Variants in INPP4A observed in about 807,000 individuals in gnomAD.
The protein encoded by INPP4A is inositol polyphosphate-4-phosphatase, type I, 107kD.
A neutral mutation model predicts 119.8 loss-of-function variants in INPP4A; 33 were observed. The ratio of observed to expected loss-of-function variants is 0.28; its 90% CI spans 0.21 to 0.37. INPP4A has a LOEUF of 0.37. Ranked by LOEUF, INPP4A falls within the 10% of genes least tolerant of loss-of-function variation. INPP4A has a pLI of 1.00. For synonymous variants in INPP4A, 496 were observed against 500.7 expected, an observed-to-expected ratio of 0.99 and a Z score of 0.12; for missense variants, 956 against 1,289.9, an observed-to-expected ratio of 0.74 and a Z score of 3.97.
intron 1 of INPP4A, among the ~76,000 whole-genome samples, chr2:98,486,965 A>G (rs552182130): frequency 2.0e-5 from 3 of 152,356 alleles, no homozygotes; most frequent in Non-Finnish European, 4.4e-5. Flanking sequence ...GTGGCTTACC[A>G]TCCTTGCTCT....
chr2:98,458,932 C>G (rs543038109), intron 1 of INPP4A, among the ~76,000 whole-genome samples: 100 of 152,340 alleles, frequency 6.6e-4, no homozygotes, highest in African/African-American at 2.2e-3. Context: ...TCTCAGCACA[C>G]TCTTTGTGGC....
At chr2:98,571,707 C>T (rs889838657) in intron 22 of INPP4A, among the ~76,000 whole-genome samples, 3 of 152,242 alleles carry the variant, frequency 2.0e-5, no homozygotes, top group Non-Finnish European at 2.9e-5. Flanking sequence ...TGGAGCCCAC[C>T]AGCTGAATAC....
chr2:98,555,164 C>T (rs77988116), intron 15 of INPP4A, among the ~76,000 whole-genome samples: 2,371 of 152,268 alleles, frequency 0.016, 29 homozygotes, highest in Middle Eastern at 0.024. Context: ...CCTCCCCTAT[C>T]GAAATTTCTG....
chr2:98,494,892 C>T (rs1000930670), intron 1 of INPP4A, among the ~76,000 whole-genome samples: 3 of 152,142 alleles, frequency 2.0e-5, no homozygotes, highest in African/African-American at 7.2e-5. Flanking sequence ...ATGAAAACAC[C>T]AGAGGCAGAC....
intron 19 of INPP4A, 87 bp from the exon 20 acceptor site, chr2:98,565,553 C>T (rs1037304635): frequency 6.9e-7 from 1 of 1,456,056 alleles, no homozygotes. Context: ...CTGTCACAGC[C>T]AGGCCTGGGC....
intron 24 of INPP4A, among the ~76,000 whole-genome samples, chr2:98,581,104 C>G (rs1273466620): frequency 1.3e-5 from 2 of 152,170 alleles, no homozygotes; most frequent in Admixed American, 1.3e-4. Flanking sequence ...TGGCCAAATC[C>G]TTTGTACCAC....
chr2:98,504,193 G>A (rs2105424657), intron 1 of INPP4A, among the ~76,000 whole-genome samples: 1 of 152,324 alleles, frequency 6.6e-6, no homozygotes. Context: ...CAGCAACACA[G>A]CCGAGTAGCT....
At chr2:98,564,788 G>T (rs1475015927) in intron 19 of INPP4A, 25 bp downstream of exon 19, 3 of 1,558,810 alleles carry the variant, frequency 1.9e-6, no homozygotes, top group Non-Finnish European at 1.7e-6. Context: ...CCAGGATCGG[G>T]AGCCCCACTT....
intron 23 of INPP4A, among the ~76,000 whole-genome samples, chr2:98,574,511 G>A (rs1169677999): frequency 6.6e-6 from 1 of 152,036 alleles, no homozygotes; most frequent in Non-Finnish European, 1.5e-5. Flanking sequence ...GGTGACGCAT[G>A]CCTGTAATCC....
intron 1 of INPP4A, among the ~76,000 whole-genome samples, chr2:98,462,173 G>A (rs1019809020): frequency 6.6e-6 from 1 of 152,218 alleles, no homozygotes; most frequent in Non-Finnish European, 1.5e-5. Context: ...TAGTGGCCAG[G>A]CGTGGTGGCT....
intron 1 of INPP4A, among the ~76,000 whole-genome samples, chr2:98,497,060 C>G (rs983470782): frequency 2.0e-5 from 3 of 152,228 alleles, no homozygotes; most frequent in African/African-American, 7.2e-5. Flanking sequence ...CTCTGCTTCA[C>G]TGTTGATATG....
chr2:98,485,930 C>T (rs983966119), intron 1 of INPP4A, among the ~76,000 whole-genome samples: 60 of 152,316 alleles, frequency 3.9e-4, no homozygotes, highest in African/African-American at 1.4e-3. Context: ...GATTTCCAGA[C>T]ACTCTTCTTT....
chr2:98,458,713 T>C (rs1323969855), intron 1 of INPP4A, among the ~76,000 whole-genome samples: 1 of 151,982 alleles, frequency 6.6e-6, no homozygotes, highest in East Asian at 1.9e-4. Flanking sequence ...ATGCTGCACA[T>C]TTTTTTTCCA....
chr2:98,458,101 G>C (rs1696472505), intron 1 of INPP4A, among the ~76,000 whole-genome samples: 1 of 151,108 alleles, frequency 6.6e-6, no homozygotes, highest in African/African-American at 2.4e-5. Flanking sequence ...TTGCAAGCAT[G>C]AGCCATCACA....
intron 23 of INPP4A, among the ~76,000 whole-genome samples, chr2:98,573,941 A>G (rs1697955956): frequency 2.0e-5 from 3 of 152,340 alleles, no homozygotes; most frequent in Admixed American, 2.0e-4. Context: ...TGAGTTCCTC[A>G]GCTGGTCAGA....
At chr2:98,480,632 C>G (rs1052729506) in intron 1 of INPP4A, among the ~76,000 whole-genome samples, 7 of 152,228 alleles carry the variant, frequency 4.6e-5, no homozygotes, top group Non-Finnish European at 1.0e-4. Context: ...TGGTGACCCT[C>G]TGTGCACTGA....
chr2:98,563,775 G>T (rs928786690), intron 18 of INPP4A, 138 bp downstream of exon 18: 6 of 833,014 alleles, frequency 7.2e-6, no homozygotes, highest in South Asian at 3.4e-5. Flanking sequence ...TGCTTTAAAG[G>T]TTATTTAATA....
intron 1 of INPP4A, among the ~76,000 whole-genome samples, chr2:98,462,627 G>A (rs1476219391): frequency 6.6e-6 from 1 of 151,420 alleles, no homozygotes; most frequent in African/African-American, 2.4e-5. Context: ...CCAGGCTCAA[G>A]TGATCTTCCC....
At chr2:98,490,620 C>T (rs757083436) in intron 1 of INPP4A, among the ~76,000 whole-genome samples, 5 of 152,120 alleles carry the variant, frequency 3.3e-5, no homozygotes, top group Non-Finnish European at 7.4e-5. Context: ...TAGTCCTGAC[C>T]CCTTTATTGT....
Sources: allele counts gnomAD v4.1 joint callset (sites outside exome capture counted in the v4.1 genomes callset), GRCh38; gene constraint gnomAD v4.1.1; transcripts MANE v1.5; gene names NCBI Gene and HGNC (gene_info 2026-07-23, HGNC 2026-07-21).